Variants in COBL observed in about 807,000 individuals in gnomAD.
COBL encodes protein cordon-bleu.
Under a neutral mutation model 98.8 loss-of-function variants are expected in COBL, and 51 were observed. The observed-to-expected ratio is 0.52, with a 90% CI of 0.41 to 0.65. The LOEUF is 0.65. Among genes scored for constraint, COBL ranks in the 30% least tolerant of loss-of-function variants. The pLI is 0.00. For synonymous variants in COBL, 634 were observed against 651.7 expected (o/e 0.97, Z 0.41); for missense variants, 1,617 against 1,617.5 (o/e 1.00, Z 0.01).
intron 1 of COBL, among the ~76,000 whole-genome samples, chr7:51,302,037 G>A (rs1379558465): frequency 2.6e-5 from 4 of 152,062 alleles, no homozygotes; most frequent in African/African-American, 4.8e-5. Flanking sequence ...CTTCAGTGTC[G>A]TGGCCCTCCC....
intron 6 of COBL, among the ~76,000 whole-genome samples, chr7:51,109,969 C>CT (rs1031619134): frequency 2.0e-5 from 3 of 152,232 alleles, no homozygotes; most frequent in Middle Eastern, 3.4e-3. Flanking sequence ...TTGGCCTCTT[C>CT]TTTTTTCTTT....
chr7:51,208,435 G>T (rs1346961560), intron 2 of COBL, among the ~76,000 whole-genome samples: 1 of 60,928 alleles, frequency 1.6e-5, no homozygotes, highest in South Asian at 5.3e-4. Context: ...CGGGAGGGAG[G>T]TGGGGGGGGT....
At chr7:51,248,477 G>T (rs1349587971) in intron 1 of COBL, among the ~76,000 whole-genome samples, 2 of 152,118 alleles carry the variant, frequency 1.3e-5, no homozygotes, top group Non-Finnish European at 2.9e-5. Flanking sequence ...CGATCCATTG[G>T]TTCTTGTTAT....
intron 6 of COBL, among the ~76,000 whole-genome samples, chr7:51,124,204 C>T (rs1192215707): frequency 6.6e-6 from 1 of 152,186 alleles, no homozygotes; most frequent in Non-Finnish European, 1.5e-5. Flanking sequence ...AACTTGGGAC[C>T]TGCATCATGG....
chr7:51,061,639 A>G (rs1791369784), intron 7 of COBL, among the ~76,000 whole-genome samples: 1 of 152,192 alleles, frequency 6.6e-6, no homozygotes, highest in Non-Finnish European at 1.5e-5. Flanking sequence ...CAGAGTGATC[A>G]GCATCTGAAT....
At chr7:51,270,425 C>T (rs1296414974) in intron 1 of COBL, among the ~76,000 whole-genome samples, 1 of 152,198 alleles carries the variant, frequency 6.6e-6, no homozygotes, top group African/African-American at 2.4e-5. Flanking sequence ...CACTACGTGC[C>T]AGGCACTGTT....
chr7:51,070,235 T>C (rs1275689082), intron 7 of COBL, among the ~76,000 whole-genome samples: 1 of 152,220 alleles, frequency 6.6e-6, no homozygotes, highest in African/African-American at 2.4e-5. Flanking sequence ...AGATAACTCC[T>C]GAGCCTCATT....
Position 51,203,461 on chromosome 7 carries a change from CAAAAAAAAAAAAAA to C in COBL, c.246-9886_246-9873del, listed in dbSNP as rs1165738166. On this transcript the variant is annotated intron_variant, in intron 2 of 12. Transcript: ENST00000265136. ...TGGGCGACAGAGCGAGACTCCGTCT[CAAAAAAAAAAAAAA>C]AAAAAAAAAACTCTTGGCTGCATTA... 3.3e-4 allele frequency among the ~76,000 whole-genome samples: 4 copies of C among 12,074 alleles called. 1 individual carries two copies. The highest frequency in any genetic ancestry group is 1.9e-3 in the African/African-American group (4 of 2,158). The allele number at this position is 12,074 out of a possible 152,430, so 7.9% of individuals were successfully genotyped here. A position where few individuals can be genotyped will look rare whatever the true frequency, so the allele number is the denominator to read the frequency against.
chr7:51,259,885 C>T, intron 1 of COBL: 1 of 755,984 alleles, frequency 1.3e-6, no homozygotes, highest in Non-Finnish European at 2.4e-6. Context: ...TGTCATTAAT[C>T]CTTTCAATGC....
chr7:51,138,663 C>T (rs565665128), intron 5 of COBL, among the ~76,000 whole-genome samples: 3 of 152,324 alleles, frequency 2.0e-5, no homozygotes, highest in East Asian at 1.9e-4. Flanking sequence ...CACACACTCA[C>T]GCACATGTGC....
chr7:51,150,254 T>G (rs745731099), intron 5 of COBL, among the ~76,000 whole-genome samples: 2 of 152,224 alleles, frequency 1.3e-5, no homozygotes, highest in Non-Finnish European at 2.9e-5. Flanking sequence ...CTACAGTCTC[T>G]GATAGTCCAG....
chr7:51,091,580 A>G (rs944688910), intron 6 of COBL, among the ~76,000 whole-genome samples: 3 of 152,126 alleles, frequency 2.0e-5, no homozygotes, highest in Non-Finnish European at 4.4e-5. Context: ...AGAGAAGGAG[A>G]AGAGAGAAAG....
intron 7 of COBL, among the ~76,000 whole-genome samples, chr7:51,069,680 T>G (rs1398189948): frequency 6.6e-6 from 1 of 152,262 alleles, no homozygotes; most frequent in Admixed American, 6.5e-5. Flanking sequence ...ATTTCCATCC[T>G]GTGGTTGATG....
intron 7 of COBL, among the ~76,000 whole-genome samples, chr7:51,060,222 ATC>A (rs1474215724): frequency 2.0e-4 from 31 of 152,180 alleles, no homozygotes; most frequent in Admixed American, 2.0e-3. Context: ...TATCAAAGCA[ATC>A]TCTGCAGGAA....
chr7:51,201,856 ATTTT>A (rs1791161042), intron 2 of COBL, among the ~76,000 whole-genome samples: 1 of 152,248 alleles, frequency 6.6e-6, no homozygotes, highest in East Asian at 1.9e-4. Flanking sequence ...CTGTGATATC[ATTTT>A]ACCCACAGTC....
chr7:51,049,711 G>A (rs756272869), intron 7 of COBL, among the ~76,000 whole-genome samples: 45 of 152,124 alleles, frequency 3.0e-4, no homozygotes, highest in Admixed American at 2.6e-3. Context: ...GTCAAAAGAT[G>A]GGAAAAAGCA....
intron 7 of COBL, among the ~76,000 whole-genome samples, chr7:51,084,253 G>A (rs988109636): frequency 1.3e-5 from 2 of 152,088 alleles, no homozygotes; most frequent in African/African-American, 4.8e-5. Context: ...ATCTCAGAAG[G>A]ACTTTCCCTC....
At chr7:51,231,093 G>C (rs780972599) in intron 1 of COBL, among the ~76,000 whole-genome samples, 1 of 152,168 alleles carries the variant, frequency 6.6e-6, no homozygotes, top group Non-Finnish European at 1.5e-5. Context: ...AACTTCCTTT[G>C]GGTTGTATTT....
At chr7:51,303,157 A>T (rs979568412) in intron 1 of COBL, among the ~76,000 whole-genome samples, 18 of 152,262 alleles carry the variant, frequency 1.2e-4, no homozygotes, top group Admixed American at 1.2e-3. Context: ...TTTCAGATTT[A>T]TGCTTTTACA....
Sources: allele counts gnomAD v4.1 joint callset (sites outside exome capture counted in the v4.1 genomes callset), GRCh38; gene constraint gnomAD v4.1.1; transcripts MANE v1.5; gene names NCBI Gene and HGNC (gene_info 2026-07-23, HGNC 2026-07-21).